SPAG16: variants seen among roughly 807,000 people sequenced by gnomAD.
SPAG16 encodes sperm associated antigen 16.
SPAG16 carries 86 observed loss-of-function variants against 80.4 expected under a neutral mutation model. The observed-to-expected ratio is 1.07, with a 90% CI of 0.90 to 1.28. The LOEUF is 1.28. SPAG16 is among the 50% of genes most tolerant of loss of function. The pLI is 0.00. For missense variants in SPAG16, 870 were observed against 765.3 expected, an observed-to-expected ratio of 1.14 and a Z score of -1.61; for synonymous variants, 294 against 265.9, an observed-to-expected ratio of 1.11 and a Z score of -1.03.
chr2:213,696,374 C>T (rs2065153695), intron 10 of SPAG16, among the ~76,000 whole-genome samples: 1 of 152,108 alleles, frequency 6.6e-6, no homozygotes, highest in South Asian at 2.1e-4. Context: ...GAGAGGTCAG[C>T]ACTGGCCATC....
chr2:213,621,094 A>G (rs2061766967), intron 10 of SPAG16, among the ~76,000 whole-genome samples: 1 of 152,208 alleles, frequency 6.6e-6, no homozygotes, highest in African/African-American at 2.4e-5. Flanking sequence ...TTCTAAGGAA[A>G]GCTAGTAAGA....
At chr2:213,906,177 G>A (rs2077425050) in intron 11 of SPAG16, among the ~76,000 whole-genome samples, 1 of 149,888 alleles carries the variant, frequency 6.7e-6, no homozygotes, top group African/African-American at 2.5e-5. Context: ...AGCTCCTTGA[G>A]CAAGTCATGT....
At chr2:214,261,535 T>C (rs1164127179) in intron 15 of SPAG16, among the ~76,000 whole-genome samples, 1 of 152,210 alleles carries the variant, frequency 6.6e-6, no homozygotes, top group African/African-American at 2.4e-5. Context: ...AGTTATAAGT[T>C]TGATAGGAAT....
intron 10 of SPAG16, among the ~76,000 whole-genome samples, chr2:213,764,982 T>C (rs1174879774): frequency 6.6e-6 from 1 of 152,214 alleles, no homozygotes; most frequent in Non-Finnish European, 1.5e-5. Context: ...TCACATGAAA[T>C]GTGCCTTTCT....
intron 10 of SPAG16, among the ~76,000 whole-genome samples, chr2:213,697,264 T>G (rs988349699): frequency 6.6e-6 from 1 of 152,166 alleles, no homozygotes; most frequent in African/African-American, 2.4e-5. Context: ...AGGGAGAAGG[T>G]ATGAATACTC....
At chr2:214,008,957 C>T (rs181829207) in intron 12 of SPAG16, among the ~76,000 whole-genome samples, 1,688 of 152,242 alleles carry the variant, frequency 0.011, 12 homozygotes, top group Middle Eastern at 0.024. Flanking sequence ...ACCCGTACCC[C>T]TATAGTGGAG....
rs1481110252 is a variant in SPAG16, at chr2:214,000,372, G to C, written c.1401-13579G>C. Among the ~76,000 whole-genome samples, 3 of 152,022 alleles carry C rather than the reference G, an allele frequency of 2.0e-5. 1 individual carries two copies. The highest frequency in any genetic ancestry group is 2.0e-4 in the Admixed American group (3 of 15,256). On this transcript the variant is annotated intron_variant, in intron 12 of 15. Coordinates refer to ENST00000331683, the MANE Select transcript of SPAG16 (RefSeq NM_024532.5). Reference sequence around the variant, plus strand: ...CCTTTCACTCCTGGGCCATTATTTTGAGGGCTCCCCTACCATATGGAACTG... The same window carrying C: ...CCTTTCACTCCTGGGCCATTATTTTCAGGGCTCCCCTACCATATGGAACTG...
intron 15 of SPAG16, chr2:214,280,920 C>A: frequency 2.3e-6 from 1 of 433,334 alleles, no homozygotes. Context: ...GACATTCTGG[C>A]TGATAATGTG....
chr2:213,373,499 A>C (rs1296883220), intron 8 of SPAG16, among the ~76,000 whole-genome samples: 1 of 152,202 alleles, frequency 6.6e-6, no homozygotes, highest in Admixed American at 6.5e-5. Flanking sequence ...TAGAGCAACA[A>C]TGTATACACA....
At chr2:213,713,056 G>A (rs542176340) in intron 10 of SPAG16, among the ~76,000 whole-genome samples, 26 of 152,150 alleles carry the variant, frequency 1.7e-4, no homozygotes, top group East Asian at 5.8e-4. Flanking sequence ...AGTGCCGAGC[G>A]CAGTGGGGGA....
At chr2:213,944,014 A>G (rs2079331000) in intron 12 of SPAG16, among the ~76,000 whole-genome samples, 1 of 152,250 alleles carries the variant, frequency 6.6e-6, no homozygotes. Flanking sequence ...AGACAAGAGA[A>G]GAATGACCCT....
In SPAG16 at chr2:214,258,461, A is replaced by ATG. The variant is rs1319528567; in HGVS notation, c.1720+109205_1720+109206dup. On this transcript the variant is annotated intron_variant, in intron 15 of 15. Coordinates refer to ENST00000331683, the MANE Select transcript of SPAG16 (RefSeq NM_024532.5). ...GTAGTATCCCACAGTGTGTGTATGTATGTGTGTGTGTATATATATATATAT... is the reference window on the plus strand; with the variant it reads ...GTAGTATCCCACAGTGTGTGTATGTATGTGTGTGTGTGTATATATATATATAT... 1.0e-3 allele frequency among the ~76,000 whole-genome samples: 111 copies of ATG among 109,380 alleles called. 1 individual carries two copies. The highest frequency in any genetic ancestry group is 1.3e-3 in the Non-Finnish European group (64 of 49,496). 71.8% of individuals were successfully genotyped at this position (109,380 alleles called of 152,430 possible).
rs1158211842 is a variant in SPAG16, at chr2:213,997,838, G to A, written c.1401-16113G>A. Among the ~76,000 whole-genome samples the A allele has an allele frequency of 2.0e-5, 3 of 152,274 alleles. No individual in the cohort carries two copies. In the East Asian group the frequency reaches 5.8e-4, roughly 29 times the overall value. On this transcript the variant is annotated intron_variant, in intron 12 of 15. Transcript: ENST00000331683. ...ATTCTGGGCTGCATGCAGCCCATGG[G>A]CCATGGGTTGGACAAGCTTGTTTTG...
intron 10 of SPAG16, among the ~76,000 whole-genome samples, chr2:213,616,854 C>A (rs1051572447): frequency 5.9e-5 from 9 of 152,060 alleles, no homozygotes; most frequent in Admixed American, 3.3e-4. Flanking sequence ...ACTAAGAGCA[C>A]CCAAAAGTTA....
At chr2:213,770,250 A>AT (rs1405953418) in intron 10 of SPAG16, among the ~76,000 whole-genome samples, 9 of 151,688 alleles carry the variant, frequency 5.9e-5, no homozygotes, top group Non-Finnish European at 1.2e-4. Context: ...TTTTTTTCTT[A>AT]TTTTTTTGTT....
intron 12 of SPAG16, among the ~76,000 whole-genome samples, chr2:213,997,814 T>C (rs1389720472): frequency 6.6e-6 from 1 of 151,794 alleles, no homozygotes; most frequent in African/African-American, 2.4e-5. Flanking sequence ...TTCAGAGTCA[T>C]TCTGGGCTGC....
At chr2:214,171,879 G>T (rs913529733) in intron 15 of SPAG16, among the ~76,000 whole-genome samples, 1 of 151,644 alleles carries the variant, frequency 6.6e-6, no homozygotes, top group South Asian at 2.1e-4. Context: ...ACATTTTATT[G>T]TGTATATTTG....
At chr2:213,588,585 G>A (rs1447148260) in intron 10 of SPAG16, among the ~76,000 whole-genome samples, 5 of 150,816 alleles carry the variant, frequency 3.3e-5, no homozygotes, top group Non-Finnish European at 5.9e-5. Flanking sequence ...GGTGGATCAC[G>A]AGGTCAGGAG....
chr2:213,396,747 A>C, intron 9 of SPAG16: 4 of 436,368 alleles, frequency 9.2e-6, no homozygotes, highest in Non-Finnish European at 1.9e-5. Flanking sequence ...AATTCTGAGC[A>C]ACAGGTGTTC....
Sources: gnomAD v4.1 joint callset for allele counts (sites outside exome capture counted in the v4.1 genomes callset) on GRCh38, gnomAD v4.1.1 for gene constraint, MANE v1.5 for transcripts, NCBI Gene and HGNC (gene_info 2026-07-23, HGNC 2026-07-21) for gene names.